YDJC: variants seen among roughly 807,000 people sequenced by gnomAD.
The protein encoded by YDJC is YdjC chitooligosaccharide deacetylase homolog.
A neutral mutation model predicts 18.9 loss-of-function variants in YDJC; 23 were observed. The observed-to-expected ratio is 1.22, with a 90% CI of 0.87 to 1.72. YDJC has a LOEUF of 1.72. Ranked by LOEUF, YDJC falls within the 40% of genes most tolerant of loss-of-function variation. YDJC has a pLI of 0.00. For synonymous variants in YDJC, 224 were observed against 217.6 expected (o/e 1.03, Z -0.26); for missense variants, 467 against 470.8 (o/e 0.99, Z 0.07).
At chr22:21,629,277 G>A (rs1227697216) in intron 3 of YDJC, 31 bp downstream of exon 3, 1 of 1,550,140 alleles carries the variant, frequency 6.5e-7, no homozygotes, top group East Asian at 2.4e-5. Flanking sequence ...TGGGAGTAAC[G>A]CCCTCCAAAC....
intron 3 of YDJC, 47 bp from the exon 4 acceptor site, chr22:21,629,234 G>A: frequency 6.5e-7 from 1 of 1,549,288 alleles, no homozygotes. Flanking sequence ...TCACCTGGGG[G>A]CATCGAACTT....
Position 21,628,541 on chromosome 22 carries a change from C to T in YDJC, c.849G>A (p.Arg283=). ...ELRVLTAPTL[R]AQLAQDGVQL... ...GCACGCCATCCTGGGCAAGCTGGGC[C>T]CGCAGCGTGGGCGCGGTGAGGACGC... The change falls in exon 5 of 5, where the codon CGG becomes CGA. Residue 283 remains arginine (R), a synonymous_variant. Coordinates refer to ENST00000292778, the MANE Select transcript of YDJC (RefSeq NM_001017964.2). 1.2e-6 allele frequency: 2 copies of T among 1,611,890 alleles called. No homozygotes were observed. The highest frequency in any genetic ancestry group is 1.7e-6 in the Non-Finnish European group (2 of 1,178,920).
In YDJC at chr22:21,628,465, G is replaced by A; in HGVS notation, c.925C>T (p.Pro309Ser). 2 of 1,593,158 alleles carry A rather than the reference G, an allele frequency of 1.3e-6. No homozygotes were observed. The highest frequency in any genetic ancestry group is 1.7e-6 in the Non-Finnish European group (2 of 1,167,608). The change falls in exon 5 of 5, where the codon CCC becomes TCC. Residue 309 changes from proline to serine, a missense_variant. Pro to Ser is a moderately conservative substitution (Grantham distance 74). Coordinates refer to ENST00000292778, the MANE Select transcript of YDJC (RefSeq NM_001017964.2). ...LDSKRPGEEV[P>S]CEPTLEPFLE... ...AAGGGTTCCAGAGTGGGCTCACAGG[G>A]GACCTCCTCCCCTGGCCTCTTGGAG...
rs1930441104 is a variant in YDJC at position 21,630,022 on chromosome 22, T to C, written c.-8A>G. The stretch of plus-strand genomic sequence containing the variant: ...CATGCGAGGGCGGGACATGGCCGCC[T>C]GGGTCCACCGCTCGCGCTCCCAGGG... On this transcript the variant is annotated 5_prime_UTR_variant, in exon 1 of 5. Coordinates refer to ENST00000292778, the MANE Select transcript of YDJC (RefSeq NM_001017964.2). 1.3e-6 allele frequency: 2 copies of C among 1,589,002 alleles called. No individual in the cohort carries two copies. Among genetic ancestry groups the C allele is most frequent in the Admixed American group, 1.7e-5 (1 of 58,804 alleles).
chr22:21,628,456 G>A lies in YDJC; in HGVS notation c.934C>T (p.Pro312Ser). 1.3e-6 allele frequency: 2 copies of A among 1,585,554 alleles called. No individual in the cohort carries two copies. The highest frequency in any genetic ancestry group is 1.3e-5 in the African/African-American group (1 of 74,428). Residue 312 changes from proline to serine, a missense_variant, in exon 5 of 5, where the codon CCC becomes TCC. Transcript: ENST00000292778. ...KRPGEEVPCE[P>S]TLEPFLEPSL... ...GGTTCCAGGAAGGGTTCCAGAGTGG[G>A]CTCACAGGGGACCTCCTCCCCTGGC... is the stretch of plus-strand genomic sequence containing the variant.
Position 21,629,299 on chromosome 22 carries a change from A to C in YDJC, c.424+9T>G. ...AACGCCCTCCAAACTGGGATCACTA[A>C]CCACGCACCTGGGAGCACGTGCACG... On this transcript the variant is annotated intron_variant, in intron 3 of 4. Transcript: ENST00000292778. The C allele has an allele frequency of 6.5e-7, 1 of 1,550,200 alleles. No individual in the cohort carries two copies. Among genetic ancestry groups the C allele is most frequent in the Non-Finnish European group, 8.7e-7 (1 of 1,146,798 alleles).
At position 21,629,951 on chromosome 22, in the gene YDJC, C is replaced by T. The variant is rs775248580; in HGVS notation, c.64G>A (p.Asp22Asn). 7 of 1,604,872 alleles carry T rather than the reference C, an allele frequency of 4.4e-6. No homozygotes were observed. The highest frequency in any genetic ancestry group is 1.7e-5 in the Admixed American group (1 of 59,806). ...AGAAAGGCCTCCACGATACCCTCAT[C>T]GCGTCGCGGGCAGTAACCAAAGTCG... ...ADDFGYCPRR[D>N]EGIVEAFLAG... The change falls in exon 1 of 5, where the codon GAT (aspartate) becomes AAT (asparagine). Residue 22 changes from aspartate (D) to asparagine (N), a missense_variant. Asp to Asn is a conservative substitution (Grantham distance 23). Coordinates refer to ENST00000292778, the MANE Select transcript of YDJC (RefSeq NM_001017964.2).
Position 21,628,135 on chromosome 22 carries a change from T to C in YDJC, c.*283A>G. ...TATTAATATAGCCATCTCTCCCCAC[T>C]GCCCCAGTGGTGAAGGTGTTTGCAT... On this transcript the variant is annotated 3_prime_UTR_variant, in exon 5 of 5. Transcript: ENST00000292778. 1 of 336,810 alleles carries C rather than the reference T, an allele frequency of 3.0e-6. No individual in the cohort carries two copies. The allele number at this position is 336,810 out of a possible 1,614,324, so 20.9% of individuals were successfully genotyped here. A position where few individuals can be genotyped will look rare whatever the true frequency, so the allele number is the denominator to read the frequency against.
Position 21,628,994 on chromosome 22 carries a change from G to A in YDJC, c.602+16C>T, listed in dbSNP as rs1930367384. ...ACAGAGGCAGCTATGGTAGGAGACGGGGCGGGGAGCCTCACCGCAGGCCGT... is the reference window on the plus strand; with the variant it reads ...ACAGAGGCAGCTATGGTAGGAGACGAGGCGGGGAGCCTCACCGCAGGCCGT... On this transcript the variant is annotated intron_variant, in intron 4 of 4. Coordinates refer to ENST00000292778, the MANE Select transcript of YDJC (RefSeq NM_001017964.2). 1.4e-6 allele frequency: 2 copies of A among 1,456,600 alleles called. No individual in the cohort carries two copies. The highest frequency in any genetic ancestry group is 9.0e-7 in the Non-Finnish European group (1 of 1,113,864). 90.2% of individuals were successfully genotyped at this position (1,456,600 alleles called of 1,614,324 possible).
rs754407842 is a variant in YDJC at position 21,629,368 on chromosome 22, C to T, written c.364G>A (p.Glu122Lys). Reference protein sequence around the residue: ...ELEAQLSCFRELLGRAPTHAD... With the variant: ...ELEAQLSCFRKLLGRAPTHAD... Reference sequence around the variant, plus strand: ...TGCGTGGGGGCCCTGCCCAGCAGCTCCCGGAAGCAGCTTAGTTGGGCCTCG... The same window carrying T: ...TGCGTGGGGGCCCTGCCCAGCAGCTTCCGGAAGCAGCTTAGTTGGGCCTCG... Residue 122 changes from glutamate to lysine, a missense_variant, in exon 3 of 5, where the codon GAG becomes AAG. Physicochemically the swap from Glu to Lys is moderately conservative, Grantham distance 56. Coordinates refer to ENST00000292778, the MANE Select transcript of YDJC (RefSeq NM_001017964.2). 2.3e-5 allele frequency: 36 copies of T among 1,549,796 alleles called. No homozygotes were observed. The highest frequency in any genetic ancestry group is 2.4e-5 in the South Asian group (2 of 84,060).
intron 1 of YDJC, 21 bp downstream of exon 1, chr22:21,629,830 T>TAGAGGCCCTCCCC: frequency 6.6e-7 from 1 of 1,514,004 alleles, no homozygotes; most frequent in South Asian, 1.2e-5. Flanking sequence ...ATCGCCGCCC[T>TAGAGGCCCTCCCC]GCTAGAGGCC....
chr22:21,628,844 G>A (rs1005281906), intron 4 of YDJC, 57 bp from the exon 5 acceptor site: 2 of 1,190,470 alleles, frequency 1.7e-6, no homozygotes, highest in African/African-American at 3.2e-5. Context: ...CAAGGGCTAG[G>A]TAGGCTAGGG....
At position 21,628,796 on chromosome 22, in the gene YDJC, G is replaced by C. The variant is rs1363526833; in HGVS notation, c.603-9C>G. ...CGAAGGCGTCTGTCCACCTGTGGGG[G>C]GCGGGACATCAGAGGTGGGACCAGG... On this transcript the variant is annotated splice_polypyrimidine_tract_variant and intron_variant, in intron 4 of 4. Coordinates refer to ENST00000292778, the MANE Select transcript of YDJC (RefSeq NM_001017964.2). The C allele has an allele frequency of 2.7e-6, 4 of 1,468,908 alleles. No individual in the cohort carries two copies. Among genetic ancestry groups the C allele is most frequent in the African/African-American group, 1.4e-5 (1 of 71,410 alleles). 91.0% of individuals were successfully genotyped at this position (1,468,908 alleles called of 1,614,324 possible). A position where few individuals can be genotyped will look rare whatever the true frequency, so the allele number is the denominator to read the frequency against.
In YDJC at chr22:21,628,717, G is replaced by C. The variant is rs1165048909; in HGVS notation, c.673C>G (p.Leu225Val). The change falls in exon 5 of 5, where the codon CTG (leucine) becomes GTG (valine). Residue 225 changes from leucine to valine, a missense_variant. Leu to Val is a conservative substitution (Grantham distance 32). Coordinates refer to ENST00000292778, the MANE Select transcript of YDJC (RefSeq NM_001017964.2). Reference protein sequence around the residue: ...HMSAHRVSGALARVLEGTLAG... With the variant: ...HMSAHRVSGAVARVLEGTLAG... ...AGGGTACCTTCCAGGACCCGCGCCA[G>C]GGCCCCGGACACGCGGTGAGCGGAC... 1.3e-5 allele frequency: 20 copies of C among 1,535,324 alleles called. No individual in the cohort carries two copies. Among genetic ancestry groups the C allele is most frequent in the Admixed American group, 2.0e-5 (1 of 50,752 alleles).
chr22:21,629,254 C>T (rs938685868), intron 3 of YDJC, 54 bp downstream of exon 3: 9 of 1,549,750 alleles, frequency 5.8e-6, no homozygotes, highest in Non-Finnish European at 7.8e-6. Flanking sequence ...TCCCCTACTC[C>T]CCCAGCCCCG....
intron 2 of YDJC, 46 bp from the exon 3 acceptor site, chr22:21,629,453 C>T: frequency 1.3e-6 from 2 of 1,535,618 alleles, no homozygotes; most frequent in Non-Finnish European, 1.8e-6. Context: ...GAGTAGCTGC[C>T]GAGGATACCC....
At position 21,629,402 on chromosome 22, in the gene YDJC, C is replaced by T; in HGVS notation, c.330G>A (p.Arg110=). 6.5e-7 allele frequency: 1 copy of T among 1,547,928 alleles called. No individual in the cohort carries two copies. The highest frequency in any genetic ancestry group is 8.7e-7 in the Non-Finnish European group (1 of 1,146,634). ...AGCTTAGTTGGGCCTCGAGCTCCTC[C>T]CGCACCTAGAGGGCGAGCGAGAGAC... ...AAGDVDLPQV[R]EELEAQLSCF... The change falls in exon 3 of 5, where the codon CGG becomes CGA. Residue 110 remains arginine, a synonymous_variant. Coordinates refer to ENST00000292778, the MANE Select transcript of YDJC (RefSeq NM_001017964.2).
chr22:21,629,991 C>T lies in YDJC; in HGVS notation c.24G>A (p.Leu8=). Residue 8 remains leucine (L), a synonymous_variant, in exon 1 of 5, where the codon CTG becomes CTA. Coordinates refer to ENST00000292778, the MANE Select transcript of YDJC (RefSeq NM_001017964.2). The part of the protein sequence containing the change: MSRPRMR[L]VVTADDFGYC... ...AACCAAAGTCGTCCGCGGTGACCAC[C>T]AGGCGCATGCGAGGGCGGGACATGG... 3 of 1,599,948 alleles carry T rather than the reference C, an allele frequency of 1.9e-6. No homozygotes were observed. Among genetic ancestry groups the T allele is most frequent in the Non-Finnish European group, 8.5e-7 (1 of 1,177,130 alleles).
Position 21,629,331 on chromosome 22 carries a change from T to C in YDJC, c.401A>G (p.His134Arg). Residue 134 changes from histidine (H) to arginine (R), a missense_variant, in exon 3 of 5, where the codon CAC becomes CGC. His to Arg is a conservative substitution (Grantham distance 29). Transcript: ENST00000292778. Reference protein sequence around the residue: ...LGRAPTHADGHQHVHVLPGVC... With the variant: ...LGRAPTHADGRQHVHVLPGVC... Reference sequence around the variant, plus strand: ...ACCTGGGAGCACGTGCACGTGCTGGTGCCCGTCCGCGTGCGTGGGGGCCCT... The same window carrying C: ...ACCTGGGAGCACGTGCACGTGCTGGCGCCCGTCCGCGTGCGTGGGGGCCCT... 6.4e-7 allele frequency: 1 copy of C among 1,550,404 alleles called. No homozygotes were observed. The highest frequency in any genetic ancestry group is 8.7e-7 in the Non-Finnish European group (1 of 1,146,868).
Sources: allele counts gnomAD v4.1 joint callset, GRCh38; gene constraint gnomAD v4.1.1; transcripts MANE v1.5; gene names NCBI Gene and HGNC (gene_info 2026-07-23, HGNC 2026-07-21).